CCL15: variants seen among roughly 807,000 people sequenced by gnomAD.
CCL15 encodes C-C motif chemokine ligand 15.
Under a neutral mutation model 10.6 loss-of-function variants are expected in CCL15, and 8 were observed. The observed-to-expected ratio is 0.75, with a 90% CI of 0.44 to 1.36. The LOEUF (loss-of-function observed/expected upper bound fraction) is 1.36, where lower values mean the gene tolerates loss of function less well. Ranked by LOEUF, CCL15 falls within the 40% of genes most tolerant of loss-of-function variation. CCL15 has a pLI of 0.00. For missense variants in CCL15, 128 were observed against 136.6 expected (o/e 0.94, Z 0.32); for synonymous variants, 51 against 48.8 (o/e 1.04, Z -0.19).
chr17:36,000,105 C>T (rs1202150793), intron 1 of CCL15, among the ~76,000 whole-genome samples: 4 of 143,488 alleles, frequency 2.8e-5, no homozygotes, highest in Non-Finnish European at 4.5e-5. Flanking sequence ...GAGCTGAGAT[C>T]GTGCCACTGC....
At chr17:35,998,598 C>T (rs370172809) in intron 2 of CCL15, among the ~76,000 whole-genome samples, 16 of 152,348 alleles carry the variant, frequency 1.1e-4, no homozygotes, top group African/African-American at 2.4e-4. Flanking sequence ...AAATTTCCCC[C>T]AGAAGGGGAA....
At chr17:35,998,227 G>T in intron 3 of CCL15, 53 bp downstream of exon 3, 1 of 1,229,282 alleles carries the variant, frequency 8.1e-7, no homozygotes, top group Non-Finnish European at 1.2e-6. Context: ...CTCCCTGCAA[G>T]ATGCTGTGGG....
At chr17:35,998,479 T>G (rs910515553) in intron 2 of CCL15, 88 bp from the exon 3 acceptor site, 3 of 911,398 alleles carry the variant, frequency 3.3e-6, no homozygotes, top group Non-Finnish European at 5.3e-6. Context: ...TCTGAAGACA[T>G]GTTTCTCCTC....
intron 3 of CCL15, among the ~76,000 whole-genome samples, 167 bp from the exon 4 acceptor site, chr17:35,998,027 T>C (rs113544908): frequency 1.8e-4 from 27 of 152,350 alleles, no homozygotes; most frequent in African/African-American, 6.3e-4. Flanking sequence ...TCTCAGCCTG[T>C]GGGACTCCTT....
chr17:35,998,302 C>A lies in CCL15; in HGVS notation c.226G>T (p.Glu76Ter). The change falls in exon 3 of 4, where the codon GAG becomes TAG. Residue 76 changes from glutamate to a stop codon, truncating the protein, a stop_gained. Coordinates refer to ENST00000617897, the MANE Select transcript of CCL15 (RefSeq NM_032965.6). LOFTEE classifies it low-confidence loss of function (END_TRUNC). ...LMKSYFETSS[E>*]CSKPGVIFLT... ...TACATGACACCTGGCTTGGAGCACT[C>A]GCTGCTCGTTTCAAAATAACTTTTC... is the stretch of plus-strand genomic sequence containing the variant. 1 of 1,613,742 alleles carries A rather than the reference C, an allele frequency of 6.2e-7. No individual in the cohort carries two copies. The highest frequency in any genetic ancestry group is 8.5e-7 in the Non-Finnish European group (1 of 1,179,684).
chr17:35,997,913 C>G, intron 3 of CCL15, 53 bp from the exon 4 acceptor site: 1 of 1,389,400 alleles, frequency 7.2e-7, no homozygotes, highest in Non-Finnish European at 1.0e-6. Context: ...CAGATGGAGA[C>G]AGGGGGCCCC....
Position 36,001,503 on chromosome 17 carries a change from G to A in CCL15, c.-11C>T, listed in dbSNP as rs2293788. ...CACGGAGACCTTCATCCTCCTGGTGGGCAGGCAGGGCTGGCCGAGGACTCC... is the reference window on the plus strand; with the variant it reads ...CACGGAGACCTTCATCCTCCTGGTGAGCAGGCAGGGCTGGCCGAGGACTCC... On this transcript the variant is annotated 5_prime_UTR_variant, in exon 1 of 4. Coordinates refer to ENST00000617897, the MANE Select transcript of CCL15 (RefSeq NM_032965.6). The A allele has an allele frequency of 0.069, 110,624 of 1,612,838 alleles. 5,999 individuals are homozygous for A. Among genetic ancestry groups the A allele is most frequent in the African/African-American group, 0.28 (20,983 of 74,896 alleles).
At chr17:35,997,930 C>T in intron 3 of CCL15, 70 bp from the exon 4 acceptor site, 6 of 1,023,164 alleles carry the variant, frequency 5.9e-6, no homozygotes, top group Admixed American at 3.7e-5. Context: ...CCCCATCCTC[C>T]CTGCTCCTCA....
rs1433074167 is a variant in CCL15, at chr17:35,999,042, C to T, written c.77-117G>A. 3.7e-6 allele frequency: 3 copies of T among 809,684 alleles called. No individual in the cohort carries two copies. The African/African-American group carries it at 5.1e-5, about 14-fold the overall frequency. The allele number at this position is 809,684 out of a possible 1,614,324, so 50.2% of individuals were successfully genotyped here. A position where few individuals can be genotyped will look rare whatever the true frequency, so the allele number is the denominator to read the frequency against. On this transcript the variant is annotated intron_variant, in intron 1 of 3. Transcript: ENST00000617897. ...GCAGAGAGGCTCTGAAGCTGGACCA[C>T]CACCACCTGTCTGGGTTCTAGGCCT...
Position 36,001,410 on chromosome 17 carries a change from G to C in CCL15, c.76+7C>G. 1 of 1,614,072 alleles carries C rather than the reference G, an allele frequency of 6.2e-7. No homozygotes were observed. The highest frequency in any genetic ancestry group is 8.5e-7 in the Non-Finnish European group (1 of 1,179,974). On this transcript the variant is annotated splice_region_variant and intron_variant, in intron 1 of 3. Transcript: ENST00000617897. ...TGGTCACCTGGGAGAAAGCTCACTG[G>C]ACTCACCATTTGTGAACTGGGCCTG...
chr17:35,998,452 G>A, intron 2 of CCL15, 61 bp from the exon 3 acceptor site: 10 of 1,140,900 alleles, frequency 8.8e-6, no homozygotes, highest in Non-Finnish European at 1.3e-5. Context: ...ACAGTGGAGG[G>A]TGAGAAGGCA....
intron 3 of CCL15, 54 bp from the exon 4 acceptor site, chr17:35,997,914 A>AG (rs778477355): frequency 1.4e-6 from 2 of 1,381,946 alleles, no homozygotes; most frequent in Non-Finnish European, 2.1e-6. Flanking sequence ...AGATGGAGAC[A>AG]GGGGGCCCCA....
At chr17:35,998,254 A>T (rs774080548) in intron 3 of CCL15, 26 bp downstream of exon 3, 1 of 1,484,964 alleles carries the variant, frequency 6.7e-7, no homozygotes, top group African/African-American at 1.4e-5. Flanking sequence ...CTTCCCCAAC[A>T]CATGGTTGGT....
At position 35,998,892 on chromosome 17, in the gene CCL15, G is replaced by A; in HGVS notation, c.110C>T (p.Pro37Leu). Residue 37 changes from proline (P) to leucine (L), a missense_variant, in exon 2 of 4, where the codon CCA becomes CTA. By Grantham distance (98) the Pro-to-Leu change is moderately conservative. Coordinates refer to ENST00000617897, the MANE Select transcript of CCL15 (RefSeq NM_032965.6). ...AETELMMSKL[P>L]LENPVVLNSF... ...GTTCAGAACTACTGGATTTTCCAGT[G>A]GAAGCTTTGACATCATTAACTCTGT... 6.2e-7 allele frequency: 1 copy of A among 1,613,926 alleles called. No homozygotes were observed. The highest frequency in any genetic ancestry group is 8.5e-7 in the Non-Finnish European group (1 of 1,179,752).
At chr17:35,999,477 T>A (rs77928508) in intron 1 of CCL15, among the ~76,000 whole-genome samples, 34 of 151,556 alleles carry the variant, frequency 2.2e-4, no homozygotes, top group African/African-American at 6.5e-4. Context: ...TTTTTTTTTT[T>A]AATTGAGACA....
At chr17:35,998,252 A>G (rs767980958) in intron 3 of CCL15, 28 bp downstream of exon 3, 1 of 1,489,470 alleles carries the variant, frequency 6.7e-7, no homozygotes, top group Admixed American at 1.7e-5. Flanking sequence ...TTCTTCCCCA[A>G]CACATGGTTG....
chr17:35,999,005 C>T, intron 1 of CCL15, 80 bp from the exon 2 acceptor site: 1 of 1,176,198 alleles, frequency 8.5e-7, no homozygotes, highest in East Asian at 2.4e-5. Flanking sequence ...CATTGCTCAT[C>T]CTCCTCCTGA....
At chr17:35,998,480 G>A (rs1366431351) in intron 2 of CCL15, 89 bp from the exon 3 acceptor site, 13 of 911,904 alleles carry the variant, frequency 1.4e-5, no homozygotes, top group Non-Finnish European at 2.1e-5. Flanking sequence ...CTGAAGACAT[G>A]TTTCTCCTCC....
chr17:35,998,199 A>G (rs1185266577), intron 3 of CCL15, 81 bp downstream of exon 3: 1 of 877,978 alleles, frequency 1.1e-6, no homozygotes, highest in Non-Finnish European at 1.9e-6. Context: ...AACCCGATGG[A>G]CGCCCATCCG....
Sources: allele counts gnomAD v4.1 joint callset (sites outside exome capture counted in the v4.1 genomes callset), GRCh38; gene constraint gnomAD v4.1.1; transcripts MANE v1.5; gene names NCBI Gene and HGNC (gene_info 2026-07-23, HGNC 2026-07-21).